Variants in APC observed in about 807,000 individuals in gnomAD.
The protein encoded by APC is APC regulator of Wnt signaling pathway, also known as adenomatous polyposis coli protein.
A neutral mutation model predicts 247.0 loss-of-function variants in APC; 72 were observed. The observed-to-expected ratio is 0.29, with a 90% CI of 0.24 to 0.35. The LOEUF is 0.35. Ranked by LOEUF, APC falls within the 10% of genes least tolerant of loss-of-function variation. The pLI is 1.00. For missense variants in APC, 3,400 were observed against 3,360.7 expected (o/e 1.01, Z -0.29); for synonymous variants, 1,254 against 1,162.5 (o/e 1.08, Z -1.60).
chr5:112,831,131 A>G (rs78185547), intron 14 of APC, among the ~76,000 whole-genome samples: 84 of 150,042 alleles, frequency 5.6e-4, no homozygotes, highest in African/African-American at 1.8e-3. Flanking sequence ...TTTTTTTGAG[A>G]TGGAGTCTTG....
intron 6 of APC, among the ~76,000 whole-genome samples, chr5:112,791,203 A>G: frequency 6.6e-6 from 1 of 152,164 alleles, no homozygotes; most frequent in East Asian, 1.9e-4. Flanking sequence ...TTTCCATTCC[A>G]TGTGGTTCAA....
At chr5:112,758,905 C>T (rs1755318767) in intron 2 of APC, among the ~76,000 whole-genome samples, 1 of 152,134 alleles carries the variant, frequency 6.6e-6, no homozygotes, top group Admixed American at 6.5e-5. Flanking sequence ...ACCCAGCCTA[C>T]CTAGAGCTCT....
Position 112,758,753 on chromosome 5 carries a change from A to C in APC, c.135+3728A>C, listed in dbSNP as rs75088576. 1.3e-5 allele frequency among the ~76,000 whole-genome samples: 2 copies of C among 151,216 alleles called. No homozygotes were observed. The highest frequency in any genetic ancestry group is 4.9e-5 in the African/African-American group (2 of 40,988). ...AGAGTAGCTGGGATTACAGGTCCCT[A>C]CCGCCACGCCCGGCTAATTTTTGTA... On this transcript the variant is annotated intron_variant, in intron 2 of 15. Coordinates refer to ENST00000257430, the MANE Select transcript of APC (RefSeq NM_000038.6).
chr5:112,729,334 A>G (rs1751973012), intron 1 of APC, among the ~76,000 whole-genome samples: 1 of 152,228 alleles, frequency 6.6e-6, no homozygotes, highest in South Asian at 2.1e-4. Context: ...AATGCTTAGA[A>G]TGTGAAACTC....
intron 1 of APC, among the ~76,000 whole-genome samples, chr5:112,721,419 AAAAAT>A (rs1257123965): frequency 2.0e-5 from 3 of 152,222 alleles, no homozygotes; most frequent in East Asian, 3.8e-4. Flanking sequence ...CTCAAAAAAT[AAAAAT>A]AAAATAAAAA....
At chr5:112,801,074 A>G (rs769540062) in intron 7 of APC, among the ~76,000 whole-genome samples, 1 of 152,162 alleles carries the variant, frequency 6.6e-6, no homozygotes, top group Non-Finnish European at 1.5e-5. Context: ...TCTAATGCTC[A>G]AGGGACACAC....
upstream of APC, among the ~76,000 whole-genome samples, chr5:112,734,532 GAAA>G (rs933172092): frequency 6.7e-6 from 1 of 149,988 alleles, no homozygotes; most frequent in Non-Finnish European, 1.5e-5. Flanking sequence ...TATTTTGAAA[GAAA>G]AAAAAAGCTT....
intron 4 of APC, among the ~76,000 whole-genome samples, chr5:112,772,706 G>A (rs1368356210): frequency 3.3e-5 from 5 of 151,816 alleles, no homozygotes; most frequent in African/African-American, 7.3e-5. Context: ...TAGTAGAGAC[G>A]GGGTTTCACC....
At position 112,844,109 on chromosome 5, in the gene APC, C is replaced by G; in HGVS notation, c.8515C>G (p.Leu2839Val). Residue 2839 changes from leucine to valine, a missense_variant, in exon 16 of 16, where the codon CTT (leucine) becomes GTT (valine). Transcript: ENST00000257430. Reference protein sequence around the residue: ...QSPKRHSGSYLVTSV With the variant: ...QSPKRHSGSYVVTSV ...TCCTAAGCGCCATTCTGGGTCTTAC[C>G]TTGTGACATCTGTTTAAAAGAGAGG... 6.2e-7 allele frequency: 1 copy of G among 1,612,646 alleles called. No homozygotes were observed.
chr5:112,758,417 C>T (rs543780056), intron 2 of APC, among the ~76,000 whole-genome samples: 1 of 152,296 alleles, frequency 6.6e-6, no homozygotes, highest in South Asian at 2.1e-4. Context: ...GCCTCCGCCT[C>T]CCGGGTTCAA....
chr5:112,747,151 T>G (rs1753777751), intron 1 of APC, among the ~76,000 whole-genome samples: 1 of 151,820 alleles, frequency 6.6e-6, no homozygotes, highest in African/African-American at 2.4e-5. Context: ...CGATGTGGGG[T>G]GGTGGTGGTC....
chr5:112,751,067 T>C (rs2149723082), intron 1 of APC, among the ~76,000 whole-genome samples: 1 of 152,252 alleles, frequency 6.6e-6, no homozygotes, highest in African/African-American at 2.4e-5. Context: ...GATCTATTCA[T>C]GTACTGGTAT....
rs1765327994 is a variant in APC at position 112,838,655 on chromosome 5, C to G, written c.3061C>G (p.Leu1021Val). ...ANHMDDNDGE[L>V]DTPINYSLKY... ...TCATATGGATGATAATGATGGAGAA[C>G]TAGATACACCAATAAATTATAGTCT... The change falls in exon 16 of 16, where the codon CTA becomes GTA. Residue 1021 changes from leucine to valine, a missense_variant. Leu to Val is a conservative substitution (Grantham distance 32). Around this residue, in one of 9 missense-constraint regions of APC, gnomAD observed 715 missense variants for 656.6 expected, o/e 1.09. Coordinates refer to ENST00000257430, the MANE Select transcript of APC (RefSeq NM_000038.6). 3.1e-6 allele frequency: 5 copies of G among 1,613,982 alleles called. No individual in the cohort carries two copies. In the East Asian group the frequency reaches 1.1e-4, roughly 36 times the overall value.
chr5:112,809,170 A>G (rs1470464599), intron 8 of APC, among the ~76,000 whole-genome samples: 1 of 151,716 alleles, frequency 6.6e-6, no homozygotes, highest in Non-Finnish European at 1.5e-5. Flanking sequence ...TCAGCAACAT[A>G]AGGAGACCCT....
At chr5:112,801,745 A>G (rs1760856446) in intron 8 of APC, among the ~76,000 whole-genome samples, 1 of 152,006 alleles carries the variant, frequency 6.6e-6, no homozygotes, top group Admixed American at 6.6e-5. Context: ...CTTCAATGTA[A>G]AGACATTTTT....
chr5:112,812,556 G>T (rs556844734), intron 8 of APC, among the ~76,000 whole-genome samples: 17 of 152,258 alleles, frequency 1.1e-4, no homozygotes, highest in Middle Eastern at 3.4e-3. Flanking sequence ...TGCCTGGGCT[G>T]CCCTGTGGCT....
intron 4 of APC, among the ~76,000 whole-genome samples, chr5:112,767,661 C>T (rs1193158966): frequency 2.0e-5 from 3 of 151,972 alleles, no homozygotes; most frequent in Admixed American, 6.6e-5. Context: ...GACAGGGTGT[C>T]ACTGTGTCTC....
chr5:112,775,083 C>T (rs1278769528), intron 4 of APC, among the ~76,000 whole-genome samples: 3 of 152,070 alleles, frequency 2.0e-5, no homozygotes, highest in African/African-American at 7.2e-5. Flanking sequence ...TGGAGAACAC[C>T]ATCATTTGGT....
intron 5 of APC, chr5:112,778,420 G>A (rs1757921820): frequency 6.6e-6 from 1 of 150,840 alleles, no homozygotes; most frequent in Non-Finnish European, 1.5e-5. Context: ...AGTTTAGCAT[G>A]GCCCTTGCTC....
Sources: gnomAD v4.1 joint callset for allele counts (sites outside exome capture counted in the v4.1 genomes callset) on GRCh38, gnomAD v4.1.1 for gene constraint, gnomAD v4.1.1 regional missense constraint, MANE v1.5 for transcripts, NCBI Gene and HGNC (gene_info 2026-07-23, HGNC 2026-07-21) for gene names.